MCF2: variants seen among roughly 807,000 people sequenced by gnomAD.
MCF2 encodes proto-oncogene DBL.
Under a neutral mutation model 82.5 loss-of-function variants are expected in MCF2, and 44 were observed. That is an observed-to-expected ratio of 0.53 (90% CI 0.42 to 0.69). The LOEUF (loss-of-function observed/expected upper bound fraction) is 0.69. Among genes scored for constraint, MCF2 ranks in the 30% least tolerant of loss-of-function variants. MCF2 has a pLI of 0.00. For synonymous variants in MCF2, 217 were observed against 224.9 expected (o/e 0.96, Z 0.32); for missense variants, 623 against 663.1 (o/e 0.94, Z 0.66).
intron 19 of MCF2, among the ~76,000 whole-genome samples, chrX:139,592,140 C>T (rs963942613): frequency 9.0e-6 from 1 of 111,410 alleles, no homozygotes; most frequent in African/African-American, 3.3e-5. Context: ...GGTCTAAAGC[C>T]TTGTAGGCAT....
At chrX:139,651,500 A>T (rs1180085941) in intron 2 of MCF2, among the ~76,000 whole-genome samples, 1 of 111,722 alleles carries the variant, frequency 9.0e-6, no homozygotes, top group Non-Finnish European at 1.9e-5. Flanking sequence ...GGTTTTACTC[A>T]TATATCTAAA....
intron 6 of MCF2, among the ~76,000 whole-genome samples, chrX:139,622,064 G>A (rs1282198714): frequency 9.0e-6 from 1 of 110,827 alleles, no homozygotes; most frequent in Non-Finnish European, 1.9e-5. Context: ...CAAAAAGTGG[G>A]CGAAGGATAT....
intron 8 of MCF2, 33 bp from the exon 12 acceptor site, chrX:139,616,506 T>TCC (rs1931919611): frequency 1.1e-6 from 1 of 876,172 alleles, no homozygotes; most frequent in Non-Finnish European, 1.5e-6. Flanking sequence ...AAAAAAAAAA[T>TCC]ATGAATTAAT....
chrX:139,666,222 G>C (rs778453563), intron 1 of MCF2, among the ~76,000 whole-genome samples: 1 of 65,654 alleles, frequency 1.5e-5, no homozygotes, highest in Non-Finnish European at 2.9e-5. Context: ...TTTTTTTTTT[G>C]TACACATTAA....
intron 1 of MCF2, among the ~76,000 whole-genome samples, chrX:139,671,914 A>T (rs1389021899): frequency 9.0e-6 from 1 of 111,332 alleles, no homozygotes; most frequent in East Asian, 2.8e-4. Flanking sequence ...CAGTATGGCC[A>T]TTTTCGCGAT....
At chrX:139,596,450 A>G in intron 19 of MCF2, 99 bp downstream of exon 23, 1 of 583,094 alleles carries the variant, frequency 1.7e-6, no homozygotes, top group Non-Finnish European at 2.8e-6. Context: ...ATGTGCAGCG[A>G]AAGTATAAAA....
chrX:139,650,922 C>G (rs967802437), intron 2 of MCF2, among the ~76,000 whole-genome samples: 1 of 111,581 alleles, frequency 9.0e-6, no homozygotes, highest in Non-Finnish European at 1.9e-5. Flanking sequence ...GTGAAATAAG[C>G]CAGTCACAAA....
intron 2 of MCF2, among the ~76,000 whole-genome samples, chrX:139,648,352 A>G (rs1413567832): frequency 5.4e-5 from 6 of 110,748 alleles, no homozygotes; most frequent in Non-Finnish European, 1.1e-4. Flanking sequence ...AGCCTGGACA[A>G]CAGAGCAAGA....
At chrX:139,651,015 C>T (rs1230948999) in intron 2 of MCF2, among the ~76,000 whole-genome samples, 1 of 110,967 alleles carries the variant, frequency 9.0e-6, no homozygotes, top group African/African-American at 3.3e-5. Flanking sequence ...TTGCGGTTGA[C>T]AGGGGCTAGA....
chrX:139,610,655 T>C (rs1463495327), intron 10 of MCF2, among the ~76,000 whole-genome samples: 2 of 112,143 alleles, frequency 1.8e-5, no homozygotes, highest in Non-Finnish European at 1.9e-5. Flanking sequence ...CAAAAACATT[T>C]AATCAAATTG....
chrX:139,671,629 T>C (rs758190122), intron 1 of MCF2, among the ~76,000 whole-genome samples: 1 of 111,605 alleles, frequency 9.0e-6, no homozygotes, highest in African/African-American at 3.3e-5. Flanking sequence ...GTTGTAGATG[T>C]CTGGTGTTAT....
At chrX:139,650,849 G>T (rs1415538976) in intron 2 of MCF2, among the ~76,000 whole-genome samples, 2 of 111,990 alleles carry the variant, frequency 1.8e-5, no homozygotes, top group East Asian at 5.6e-4. Context: ...TTATTATTCA[G>T]CCTTAAAAAG....
chrX:139,600,033 A>C (rs1930420135), intron 16 of MCF2, among the ~76,000 whole-genome samples: 1 of 112,011 alleles, frequency 8.9e-6, no homozygotes, highest in Non-Finnish European at 1.9e-5. Context: ...CCACTAAACT[A>C]TTATGCTAAA....
At chrX:139,604,510 C>A (rs1384620256) in intron 15 of MCF2, among the ~76,000 whole-genome samples, 171 bp downstream of exon 19, 1 of 110,481 alleles carries the variant, frequency 9.1e-6, no homozygotes, top group Admixed American at 9.7e-5. Flanking sequence ...CCCAGTGCAT[C>A]CATTTCTGCA....
chrX:139,672,768 A>G (rs963973059), intron 1 of MCF2, among the ~76,000 whole-genome samples: 3 of 111,973 alleles, frequency 2.7e-5, no homozygotes, highest in African/African-American at 6.5e-5. Flanking sequence ...ATATTAGCCT[A>G]AAATTCTCTT....
At chrX:139,640,368 G>T (rs1947348815) in intron 1 of MCF2, among the ~76,000 whole-genome samples, 1 of 111,213 alleles carries the variant, frequency 9.0e-6, no homozygotes, top group South Asian at 3.8e-4. Flanking sequence ...GTTTGCAACA[G>T]TATGAGCCAC....
In MCF2 at chrX:139,588,573, G is replaced by A. The variant is rs550003021; in HGVS notation, c.2371-135C>T. 1.1e-3 allele frequency: 440 copies of A among 388,981 alleles called. 4 individuals carry two copies. In the South Asian group the frequency reaches 0.027, roughly 24 times the overall value. The allele number at this position is 388,981 out of a possible 1,213,427, so 32.1% of individuals were successfully genotyped here. On this transcript the variant is annotated intron_variant, in intron 20 of 24. Transcript: ENST00000370576. ...ATAACACCATACTCAAATCTTAACC[G>A]TTTGATTGTTAAAATTTTTATGAAG...
chrX:139,625,454 C>A (rs1932710378), intron 6 of MCF2, among the ~76,000 whole-genome samples: 1 of 111,220 alleles, frequency 9.0e-6, no homozygotes, highest in Non-Finnish European at 1.9e-5. Flanking sequence ...AGCCCCGCGT[C>A]CAGAGTACAG....
intron 17 of MCF2, among the ~76,000 whole-genome samples, 164 bp from the exon 22 acceptor site, chrX:139,597,749 G>A (rs1415058635): frequency 9.0e-6 from 1 of 111,341 alleles, no homozygotes; most frequent in Non-Finnish European, 1.9e-5. Flanking sequence ...TTTAATGGCT[G>A]TCAAAATAGA....
Sources: allele counts gnomAD v4.1 joint callset (sites outside exome capture counted in the v4.1 genomes callset), GRCh38; gene constraint gnomAD v4.1.1; transcripts MANE v1.5; gene names NCBI Gene and HGNC (gene_info 2026-07-23, HGNC 2026-07-21).